XXYLT1: variants seen among roughly 807,000 people sequenced by gnomAD.
XXYLT1 encodes the protein UDP-xylose:alpha-xyloside alpha-1,3-xylosyltransferase.
In XXYLT1, 20 loss-of-function variants were observed where a neutral mutation model predicts 28.9. The ratio of observed to expected loss-of-function variants is 0.69; its 90% CI spans 0.49 to 1.00. The LOEUF is 1.00. Ranked by LOEUF, XXYLT1 falls within the 50% of genes least tolerant of loss-of-function variation. The pLI is 0.00. For synonymous variants in XXYLT1, 257 were observed against 253.8 expected, an observed-to-expected ratio of 1.01 and a Z score of -0.12; for missense variants, 542 against 560.1, an observed-to-expected ratio of 0.97 and a Z score of 0.33.
rs1044590911 is a variant in XXYLT1, at chr3:195,168,055, A to G, written c.653-11474T>C. Among the ~76,000 whole-genome samples, 1 of 152,120 alleles carries G rather than the reference A, an allele frequency of 6.6e-6. No homozygotes were observed. The highest frequency in any genetic ancestry group is 6.5e-5 in the Admixed American group (1 of 15,276). ...GTTGACATGGGCTCTCCATTATTTC[A>G]CAAAATATGAACTGAGGGATTTTAG... On this transcript the variant is annotated intron_variant, in intron 2 of 3. Coordinates refer to ENST00000310380, the MANE Select transcript of XXYLT1 (RefSeq NM_152531.5). This position sits in a 1 kb window ranked among gnomAD's most constrained non-coding sequence, Gnocchi z 4.3.
intron 2 of XXYLT1, among the ~76,000 whole-genome samples, chr3:195,171,463 C>T (rs1721401767): frequency 6.6e-6 from 1 of 152,190 alleles, no homozygotes; most frequent in African/African-American, 2.4e-5. Context: ...CTGACTTGGC[C>T]TTTCTTGGGG....
At position 195,271,093 on chromosome 3, in the gene XXYLT1, A is replaced by G. The variant is rs1378466611; in HGVS notation, c.-35T>C. 1.3e-5 allele frequency: 17 copies of G among 1,306,342 alleles called. No individual in the cohort carries two copies. The highest frequency in any genetic ancestry group is 1.6e-5 in the Non-Finnish European group (17 of 1,030,920). The allele number at this position is 1,306,342 out of a possible 1,614,324, so 80.9% of individuals were successfully genotyped here. A position where few individuals can be genotyped will look rare whatever the true frequency, so the allele number is the denominator to read the frequency against. ...GACCGCGGCGCCAGCGGTGCCAGCA[A>G]CGCGGGAGAGCCCTCGGGTACCCGG... On this transcript the variant is annotated 5_prime_UTR_variant, in exon 1 of 4. Coordinates refer to ENST00000310380, the MANE Select transcript of XXYLT1 (RefSeq NM_152531.5).
chr3:195,095,992 C>G (rs1427818449), intron 3 of XXYLT1: 1 of 151,944 alleles, frequency 6.6e-6, no homozygotes, highest in Non-Finnish European at 1.5e-5. Context: ...TCCGGGAACC[C>G]AATTCAATAT....
chr3:195,180,408 T>C lies in XXYLT1; in HGVS notation c.653-23827A>G. The C allele has an allele frequency of 1.0e-6, 1 of 985,694 alleles. No homozygotes were observed. The highest frequency in any genetic ancestry group is 1.2e-6 in the Non-Finnish European group (1 of 830,136). The allele number at this position is 985,694 out of a possible 1,614,324, so 61.1% of individuals were successfully genotyped here. ...AGACACACTTCCTTCGGCTGCAGCC[T>C]CGCCGATTCCCGAGCTGTTTCCTGC... On this transcript the variant is annotated intron_variant, in intron 2 of 3. Coordinates refer to ENST00000310380, the MANE Select transcript of XXYLT1 (RefSeq NM_152531.5). The surrounding 1 kb of genome is among the most constrained non-coding windows in gnomAD (Gnocchi z 5.8).
chr3:195,075,381 G>A (rs1383929572), intron 3 of XXYLT1, among the ~76,000 whole-genome samples: 8 of 152,372 alleles, frequency 5.3e-5, no homozygotes, highest in Non-Finnish European at 5.9e-5. Flanking sequence ...TACCCATTGT[G>A]CAGATGAGGA....
Position 195,184,872 on chromosome 3 carries a change from C to T in XXYLT1, c.653-28291G>A, listed in dbSNP as rs969705900. The T allele has an allele frequency of 7.3e-6, 7 of 962,240 alleles. No individual in the cohort carries two copies. The African/African-American group carries it at 1.2e-4, about 17-fold the overall frequency. 59.6% of individuals were successfully genotyped at this position (962,240 alleles called of 1,614,324 possible). A position where few individuals can be genotyped will look rare whatever the true frequency, so the allele number is the denominator to read the frequency against. ...CTTTACCAATAAAATGGTCTACATT[C>T]AAATGGTAAGTTTGATCCCCGCATC... On this transcript the variant is annotated intron_variant, in intron 2 of 3. Transcript: ENST00000310380.
chr3:195,225,907 G>A (rs931457521), intron 2 of XXYLT1, among the ~76,000 whole-genome samples: 3 of 152,108 alleles, frequency 2.0e-5, no homozygotes, highest in Non-Finnish European at 4.4e-5. Context: ...CCCCTTCCAT[G>A]ACTGTAAGTT....
Position 195,129,996 on chromosome 3 carries a change from T to C in XXYLT1, c.785+26453A>G, listed in dbSNP as rs940896211. 1.3e-5 allele frequency among the ~76,000 whole-genome samples: 2 copies of C among 152,220 alleles called. No individual in the cohort carries two copies. The highest frequency in any genetic ancestry group is 2.1e-4 in the South Asian group (1 of 4,830). Reference sequence around the variant, plus strand: ...CTGTTATTGTCCTGCCTTTCTTTTTTTATTATAGCTGACCAGTGGATATGA... The same window carrying C: ...CTGTTATTGTCCTGCCTTTCTTTTTCTATTATAGCTGACCAGTGGATATGA... On this transcript the variant is annotated intron_variant, in intron 3 of 3. Coordinates refer to ENST00000310380, the MANE Select transcript of XXYLT1 (RefSeq NM_152531.5). This position sits in a 1 kb window ranked among gnomAD's most constrained non-coding sequence, Gnocchi z 4.4.
chr3:195,260,717 T>G (rs2108853818), intron 1 of XXYLT1, among the ~76,000 whole-genome samples: 1 of 152,366 alleles, frequency 6.6e-6, no homozygotes, highest in Non-Finnish European at 1.5e-5. Flanking sequence ...GGTGCCTGGC[T>G]GCTTCTAAAG....
At chr3:195,194,394 T>C (rs1051267189) in intron 2 of XXYLT1, among the ~76,000 whole-genome samples, 1 of 152,142 alleles carries the variant, frequency 6.6e-6, no homozygotes, top group African/African-American at 2.4e-5. Context: ...CCAGAATGGC[T>C]GTAGTAAGAA....
Position 195,255,205 on chromosome 3 carries a change from C to T in XXYLT1, c.504+15350G>A, listed in dbSNP as rs150347183. ...CTAAACCAGCAGAAAAGGCGGTTTC[C>T]GAGTACCATGCTCGCACAACAGGGA... On this transcript the variant is annotated intron_variant, in intron 1 of 3. Coordinates refer to ENST00000310380, the MANE Select transcript of XXYLT1 (RefSeq NM_152531.5). The surrounding 1 kb of genome is among the most constrained non-coding windows in gnomAD (Gnocchi z 4.5). Among the ~76,000 whole-genome samples the T allele has an allele frequency of 3.3e-5, 5 of 152,350 alleles. No homozygotes were observed. Among genetic ancestry groups the T allele is most frequent in the Non-Finnish European group, 7.3e-5 (5 of 68,036 alleles).
chr3:195,218,951 G>A (rs1346209620), intron 2 of XXYLT1, among the ~76,000 whole-genome samples: 1 of 151,184 alleles, frequency 6.6e-6, no homozygotes, highest in African/African-American at 2.4e-5. Flanking sequence ...TTAAGAAAAT[G>A]TGGCACATAT....
intron 3 of XXYLT1, among the ~76,000 whole-genome samples, chr3:195,096,655 T>C (rs79836829): frequency 4.7e-5 from 5 of 107,032 alleles, no homozygotes; most frequent in East Asian, 7.9e-4. Context: ...TTCCTTCTCC[T>C]CCTCAGGCCT....
chr3:195,152,027 C>T (rs1268826995), intron 3 of XXYLT1, among the ~76,000 whole-genome samples: 3 of 152,138 alleles, frequency 2.0e-5, no homozygotes, highest in Non-Finnish European at 4.4e-5. Context: ...GACCAAACAA[C>T]AGAGGGTCAG....
chr3:195,088,124 G>A (rs1046096754), intron 3 of XXYLT1, among the ~76,000 whole-genome samples: 4 of 151,402 alleles, frequency 2.6e-5, no homozygotes, highest in Admixed American at 2.0e-4. Context: ...GCCCGCCATT[G>A]CCCAGGCTTG....
At chr3:195,110,357 ATG>A (rs1354250544) in intron 3 of XXYLT1, among the ~76,000 whole-genome samples, 2 of 61,204 alleles carry the variant, frequency 3.3e-5, no homozygotes, top group Non-Finnish European at 6.4e-5. Context: ...TGTGTGGTGT[ATG>A]TGCGTGCGTG....
chr3:195,235,964 A>G (rs1311006631), intron 1 of XXYLT1, among the ~76,000 whole-genome samples: 1 of 151,994 alleles, frequency 6.6e-6, no homozygotes, highest in Non-Finnish European at 1.5e-5. Flanking sequence ...AGAGATATAC[A>G]CCTGGCTGGG....
intron 3 of XXYLT1, among the ~76,000 whole-genome samples, chr3:195,136,269 T>C (rs986496709): frequency 2.6e-5 from 4 of 152,208 alleles, no homozygotes; most frequent in African/African-American, 9.7e-5. Flanking sequence ...TCAGTGCTCC[T>C]ATAGGTTTGA....
intron 3 of XXYLT1, among the ~76,000 whole-genome samples, chr3:195,141,963 C>A (rs1206189488): frequency 6.6e-6 from 1 of 152,224 alleles, no homozygotes; most frequent in Non-Finnish European, 1.5e-5. Flanking sequence ...AAAACAAAAT[C>A]TCTTTGTGTA....
Sources: gnomAD v4.1 joint callset for allele counts (sites outside exome capture counted in the v4.1 genomes callset) on GRCh38, gnomAD v4.1.1 for gene constraint, Gnocchi (gnomAD v3.1) non-coding constraint, MANE v1.5 for transcripts, NCBI Gene and HGNC (gene_info 2026-07-23, HGNC 2026-07-21) for gene names.